Variants in ZNF385D observed in about 807,000 individuals in gnomAD.
ZNF385D encodes the protein zinc finger protein 385D, also known as zinc finger protein 659.
Under a neutral mutation model 35.8 loss-of-function variants are expected in ZNF385D, and 15 were observed. The ratio of observed to expected loss-of-function variants is 0.42; its 90% CI spans 0.28 to 0.64. The LOEUF (loss-of-function observed/expected upper bound fraction) is 0.64, where lower values mean the gene tolerates loss of function less well. ZNF385D is among the 30% of genes least tolerant of loss of function. ZNF385D has a pLI of 0.23. For synonymous variants in ZNF385D, 212 were observed against 186.8 expected (o/e 1.13, Z -1.10); for missense variants, 474 against 494.6 (o/e 0.96, Z 0.39).
At chr3:22,086,990 A>G (rs1576295905) in intron 3 of ZNF385D, among the ~76,000 whole-genome samples, 1 of 152,126 alleles carries the variant, frequency 6.6e-6, no homozygotes, top group South Asian at 2.1e-4. Context: ...GTAAATGACA[A>G]GTTAATGGGT....
At chr3:22,361,882 C>A (rs1327620972) in intron 2 of ZNF385D, among the ~76,000 whole-genome samples, 3 of 151,932 alleles carry the variant, frequency 2.0e-5, no homozygotes, top group Admixed American at 2.0e-4. Context: ...ATAATTCCAA[C>A]AGTAACTTTT....
chr3:21,493,586 G>A (rs2125412787), intron 4 of ZNF385D, among the ~76,000 whole-genome samples: 1 of 151,970 alleles, frequency 6.6e-6, no homozygotes, highest in Non-Finnish European at 1.5e-5. Flanking sequence ...ATAGGGAGAA[G>A]CATGCATTTA....
intron 3 of ZNF385D, among the ~76,000 whole-genome samples, chr3:21,831,906 G>A (rs965185600): frequency 6.6e-6 from 1 of 152,146 alleles, no homozygotes; most frequent in African/African-American, 2.4e-5. Context: ...GAAGCTTAGA[G>A]ACATATTTAT....
Position 21,916,270 on chromosome 3 carries a change from A to G in ZNF385D, c.326-251242T>C, listed in dbSNP as rs1032306537. On this transcript the variant is annotated intron_variant, in intron 3 of 5. Transcript: ENST00000494108. ...AAGCTTTTCTAGATAGATTTTGTCA[A>G]TTTAAATAACAAATATCATGTATAC... is the stretch of plus-strand genomic sequence containing the variant. Among the ~76,000 whole-genome samples the G allele has an allele frequency of 5.9e-5, 9 of 152,300 alleles. No individual in the cohort carries two copies. The East Asian group carries it at 1.5e-3, about 26-fold the overall frequency.
intron 3 of ZNF385D, among the ~76,000 whole-genome samples, chr3:21,962,699 T>C (rs964881623): frequency 6.6e-6 from 1 of 152,196 alleles, no homozygotes; most frequent in African/African-American, 2.4e-5. Context: ...CAATTCTCTG[T>C]GGAAAGGTAT....
At chr3:21,916,174 T>C (rs1700184724) in intron 3 of ZNF385D, among the ~76,000 whole-genome samples, 1 of 152,170 alleles carries the variant, frequency 6.6e-6, no homozygotes, top group Non-Finnish European at 1.5e-5. Context: ...CATATTTTGT[T>C]AATCACAATG....
chr3:21,930,351 T>C lies in ZNF385D; in HGVS notation c.325+238466A>G, dbSNP rs184848051. Reference sequence around the variant, plus strand: ...AATCTAAAAAACCTTTGGAAGAATATATAAAAGAACTTATCATCTTAATTA... The same window carrying C: ...AATCTAAAAAACCTTTGGAAGAATACATAAAAGAACTTATCATCTTAATTA... On this transcript the variant is annotated intron_variant, in intron 3 of 5. Coordinates refer to the ZNF385D transcript ENST00000494108. Among the ~76,000 whole-genome samples the C allele has an allele frequency of 2.6e-3, 381 of 149,200 alleles. 1 individual carries two copies. The highest frequency in any genetic ancestry group is 8.8e-3 in the African/African-American group (361 of 40,986).
chr3:21,581,860 C>T (rs1271358489), intron 2 of ZNF385D, among the ~76,000 whole-genome samples: 4 of 152,072 alleles, frequency 2.6e-5, no homozygotes, highest in Non-Finnish European at 5.9e-5. Context: ...AGCCAGGGCC[C>T]CAAAACAATG....
chr3:21,592,618 G>A (rs2064015451), intron 2 of ZNF385D, among the ~76,000 whole-genome samples: 1 of 147,490 alleles, frequency 6.8e-6, no homozygotes, highest in Non-Finnish European at 1.5e-5. Flanking sequence ...TTGAAAAAGA[G>A]AACAAAAAAA....
chr3:22,005,083 A>AAAAAAAAAAAC (rs1553717904), intron 3 of ZNF385D, among the ~76,000 whole-genome samples: 2 of 117,312 alleles, frequency 1.7e-5, no homozygotes, highest in South Asian at 2.5e-4. Context: ...AAAAAAAAAA[A>AAAAAAAAAAAC]AGGCAGAAAA....
At chr3:21,981,050 T>C (rs1007482095) in intron 3 of ZNF385D, among the ~76,000 whole-genome samples, 1 of 152,298 alleles carries the variant, frequency 6.6e-6, no homozygotes, top group Admixed American at 6.5e-5. Context: ...GTCTTTATGG[T>C]AGAATAATTT....
At chr3:22,022,876 G>T (rs1477970880) in intron 3 of ZNF385D, among the ~76,000 whole-genome samples, 1 of 152,070 alleles carries the variant, frequency 6.6e-6, no homozygotes, top group Admixed American at 6.6e-5. Flanking sequence ...GTCCACTTTG[G>T]CTTGTTTCTT....
chr3:22,283,087 G>A (rs958178481), intron 2 of ZNF385D, among the ~76,000 whole-genome samples: 2 of 151,964 alleles, frequency 1.3e-5, no homozygotes, highest in East Asian at 1.9e-4. Context: ...AAAAGACAAA[G>A]AGGGACCTTA....
chr3:21,449,072 T>A (rs1193929843), intron 4 of ZNF385D, among the ~76,000 whole-genome samples: 1 of 86,508 alleles, frequency 1.2e-5, no homozygotes, highest in Non-Finnish European at 2.1e-5. Flanking sequence ...ATAAATCTAA[T>A]TATTTAAGTA....
rs148390795 is a variant in ZNF385D, at chr3:21,905,029, A to G, written c.326-240001T>C. ...TCATTAATACTATAACAAAAAATCT[A>G]TAATAGATTAAAATACCTTTCACTG... On this transcript the variant is annotated intron_variant, in intron 3 of 5. Coordinates refer to the ZNF385D transcript ENST00000494108. 1.2e-3 allele frequency among the ~76,000 whole-genome samples: 179 copies of G among 152,144 alleles called. 1 individual carries two copies. Among genetic ancestry groups the G allele is most frequent in the East Asian group, 3.7e-3 (19 of 5,184 alleles).
intron 3 of ZNF385D, among the ~76,000 whole-genome samples, chr3:21,795,857 C>G (rs188406116): frequency 1.3e-5 from 2 of 152,152 alleles, no homozygotes; most frequent in Non-Finnish European, 2.9e-5. Context: ...CAATGGCAAA[C>G]AGAAAATATG....
chr3:22,302,290 G>A (rs1241095821), intron 2 of ZNF385D, among the ~76,000 whole-genome samples: 1 of 151,776 alleles, frequency 6.6e-6, no homozygotes, highest in Non-Finnish European at 1.5e-5. Context: ...TATTTCCACA[G>A]TATTAAATTT....
At chr3:21,689,417 T>C (rs1295668286) in intron 1 of ZNF385D, among the ~76,000 whole-genome samples, 1 of 152,134 alleles carries the variant, frequency 6.6e-6, no homozygotes, top group African/African-American at 2.4e-5. Flanking sequence ...TTTTCTTCCA[T>C]GCTCACTAAA....
At chr3:21,886,801 G>C (rs1575840305) in intron 3 of ZNF385D, among the ~76,000 whole-genome samples, 2 of 152,220 alleles carry the variant, frequency 1.3e-5, no homozygotes, top group Admixed American at 1.3e-4. Context: ...CTAATAAAGA[G>C]TTGTATATTT....
Sources: gnomAD v4.1 joint callset for allele counts (sites outside exome capture counted in the v4.1 genomes callset) on GRCh38, gnomAD v4.1.1 for gene constraint, MANE v1.5 for transcripts, NCBI Gene and HGNC (gene_info 2026-07-23, HGNC 2026-07-21) for gene names.